The following ASAH1 variants were observed in gnomAD, a reference collection of about 807,000 sequenced individuals.
ASAH1 encodes the protein N-acylsphingosine amidohydrolase 1, also known as acid ceramidase.
In ASAH1, 70 loss-of-function variants were observed where a neutral mutation model predicts 59.5. That is an observed-to-expected ratio of 1.18 (90% CI 0.97 to 1.43). The LOEUF (loss-of-function observed/expected upper bound fraction) is 1.43, where lower values mean the gene tolerates loss of function less well. ASAH1 is among the 40% of genes most tolerant of loss of function. ASAH1 has a pLI of 0.00. For missense variants in ASAH1, 660 were observed against 482.5 expected (o/e 1.37, Z -3.45); for synonymous variants, 213 against 166.5 (o/e 1.28, Z -2.15).
At chr8:18,084,431 C>G (rs1305495055), upstream of ASAH1, 3 of 1,376,356 alleles carry the variant, frequency 2.2e-6, no homozygotes, top group African/African-American at 2.9e-5. Flanking sequence ...TGGGGCGCCT[C>G]TAGCAGGCGG....
At chr8:18,072,791 G>A (rs556354889) in intron 2 of ASAH1, among the ~76,000 whole-genome samples, 3 of 152,218 alleles carry the variant, frequency 2.0e-5, no homozygotes, top group Admixed American at 6.5e-5. Flanking sequence ...CCCTTCAACT[G>A]TGCATTTAGA....
intron 13 of ASAH1, 88 bp from the exon 14 acceptor site, chr8:18,057,711 G>A (rs1799531118): frequency 9.6e-6 from 8 of 834,712 alleles, no homozygotes; most frequent in South Asian, 9.0e-5. Context: ...TGTAGAATTT[G>A]CTTTAGAAGT....
intron 1 of ASAH1, among the ~76,000 whole-genome samples, chr8:18,077,224 C>A (rs1800440646): frequency 6.6e-6 from 1 of 152,116 alleles, no homozygotes; most frequent in Non-Finnish European, 1.5e-5. Context: ...ATTGCCGGTT[C>A]AATAACACAT....
chr8:18,077,687 C>T (rs964558017), intron 1 of ASAH1, among the ~76,000 whole-genome samples: 2 of 152,202 alleles, frequency 1.3e-5, no homozygotes, highest in African/African-American at 2.4e-5. Context: ...TTTCCCTGGA[C>T]ACAATACTTC....
At chr8:18,083,851 CCA>C (rs1405522321) in intron 1 of ASAH1, 128 bp downstream of exon 1, 14 of 1,511,366 alleles carry the variant, frequency 9.3e-6, no homozygotes, top group African/African-American at 1.4e-5. Flanking sequence ...GTGCACGAAA[CCA>C]CAGACCCCCG....
At chr8:18,070,885 C>T (rs1013034784) in intron 3 of ASAH1, among the ~76,000 whole-genome samples, 11 of 152,048 alleles carry the variant, frequency 7.2e-5, no homozygotes, top group South Asian at 4.1e-4. Context: ...AGAATCTCCA[C>T]GGTCCTTGGG....
chr8:18,074,230 A>C (rs530729000), intron 2 of ASAH1, among the ~76,000 whole-genome samples: 1 of 152,346 alleles, frequency 6.6e-6, no homozygotes, highest in East Asian at 1.9e-4. Flanking sequence ...GAAGGCCAGA[A>C]TGATGCCAGT....
At position 18,061,745 on chromosome 8, in the gene ASAH1, G is replaced by C. The variant is rs1309384219; in HGVS notation, c.649-5C>G. 5 of 1,568,386 alleles carry C rather than the reference G, an allele frequency of 3.2e-6. No individual in the cohort carries two copies. The highest frequency in any genetic ancestry group is 3.5e-6 in the Non-Finnish European group (4 of 1,155,150). On this transcript the variant is annotated splice_region_variant and splice_polypyrimidine_tract_variant and intron_variant, in intron 8 of 13. Transcript: ENST00000637790. ...CAGTGTAAGACTGAACAGTCCCTGA[G>C]AAAAAGACAAAGCAACGAAGTCAGA...
chr8:18,071,642 T>C (rs980519099), intron 2 of ASAH1, among the ~76,000 whole-genome samples: 1 of 152,012 alleles, frequency 6.6e-6, no homozygotes, highest in Non-Finnish European at 1.5e-5. Flanking sequence ...TGGTTTTCTA[T>C]GAAAAAATCA....
chr8:18,060,145 G>T, intron 10 of ASAH1: 1 of 174,302 alleles, frequency 5.7e-6, no homozygotes, highest in Non-Finnish European at 1.2e-5. Flanking sequence ...AAGTATCTAA[G>T]GAATGTGTTA....
chr8:18,069,355 AG>A (rs1214180910), intron 4 of ASAH1: 1 of 165,574 alleles, frequency 6.0e-6, no homozygotes, highest in Non-Finnish European at 1.3e-5. Flanking sequence ...AGAAACACTC[AG>A]CCCAAATGAG....
At position 18,061,679 on chromosome 8, in the gene ASAH1, T is replaced by C. The variant is rs1349363618; in HGVS notation, c.703+7A>G. 6.3e-7 allele frequency: 1 copy of C among 1,584,500 alleles called. No individual in the cohort carries two copies. Among genetic ancestry groups the C allele is most frequent in the Non-Finnish European group, 8.6e-7 (1 of 1,163,184 alleles). On this transcript the variant is annotated splice_region_variant and intron_variant, in intron 9 of 13. Transcript: ENST00000637790. ...ATTCCCATTTCACTTGAGAATGCTC[T>C]ACTTACCCAGATAACCACCATTTAT... is the stretch of plus-strand genomic sequence containing the variant.
chr8:18,070,779 A>G (rs940195185), intron 3 of ASAH1, among the ~76,000 whole-genome samples: 2 of 152,100 alleles, frequency 1.3e-5, no homozygotes, highest in Non-Finnish European at 2.9e-5. Flanking sequence ...AAGGTATCAA[A>G]AGCACAATTT....
intron 9 of ASAH1, 57 bp from the exon 10 acceptor site, chr8:18,061,515 C>A: frequency 1.3e-6 from 2 of 1,506,390 alleles, no homozygotes; most frequent in South Asian, 1.1e-5. Flanking sequence ...TGTAACCAGT[C>A]AGGACCCGGA....
chr8:18,067,140 T>A, intron 5 of ASAH1, 80 bp downstream of exon 5: 1 of 1,143,698 alleles, frequency 8.7e-7, no homozygotes, highest in Non-Finnish European at 1.3e-6. Flanking sequence ...GCACCTGTGC[T>A]GTATGTATAT....
intron 2 of ASAH1, 169 bp from the exon 3 acceptor site, chr8:18,071,559 G>A: frequency 1.7e-6 from 1 of 583,980 alleles, no homozygotes; most frequent in South Asian, 1.8e-5. Context: ...GTGCTTCTAG[G>A]TTGAGAACAC....
At chr8:18,081,969 T>A (rs1366881254) in intron 1 of ASAH1, among the ~76,000 whole-genome samples, 3 of 152,194 alleles carry the variant, frequency 2.0e-5, no homozygotes, top group African/African-American at 7.2e-5. Flanking sequence ...CAAATGGAGA[T>A]GTTAAAACAA....
At chr8:18,083,946 C>G (rs1564557373) in intron 1 of ASAH1, 35 bp downstream of exon 1, 1 of 1,588,122 alleles carries the variant, frequency 6.3e-7, no homozygotes. Context: ...CGCACCTGCA[C>G]GCCCCTCTCT....
intron 4 of ASAH1, 150 bp from the exon 5 acceptor site, chr8:18,067,448 A>T: frequency 2.7e-6 from 1 of 372,544 alleles, no homozygotes; most frequent in Non-Finnish European, 4.5e-6. Flanking sequence ...AATAAGTGAT[A>T]GGAATTATTT....
Sources: gnomAD v4.1 joint callset for allele counts (sites outside exome capture counted in the v4.1 genomes callset) on GRCh38, gnomAD v4.1.1 for gene constraint, MANE v1.5 for transcripts, NCBI Gene and HGNC (gene_info 2026-07-23, HGNC 2026-07-21) for gene names.